Variants in SIGLEC12 observed in about 807,000 individuals in gnomAD.
SIGLEC12 encodes sialic acid binding Ig like lectin 12.
SIGLEC12 carries 43 observed loss-of-function variants against 54.1 expected under a neutral mutation model. That is an observed-to-expected ratio of 0.80 (90% confidence interval 0.62 to 1.03). The LOEUF is 1.03. Among genes scored for constraint, SIGLEC12 ranks in the 50% least tolerant of loss-of-function variants. The pLI is 0.00. For missense variants in SIGLEC12, 802 were observed against 735.2 expected (o/e 1.09, Z -1.05); for synonymous variants, 357 against 307.6 (o/e 1.16, Z -1.68).
intron 7 of SIGLEC12, 122 bp downstream of exon 7, chr19:51,496,758 T>G (rs1028474299): frequency 9.4e-7 from 1 of 1,058,916 alleles, no homozygotes; most frequent in Non-Finnish European, 1.4e-6. Flanking sequence ...GAGGAAAAAG[T>G]GGACAGGACG....
rs377633381 is a variant in SIGLEC12, at chr19:51,498,073, G to A, written c.1350C>T (p.Asn450=). ...GGGAAATGTGCTGGGAGCCTAGAGG[G>A]TTCTGAGCTCGGCAGGTGAATTCCC... ...DEGEFTCRAQ[N]PLGSQHISLS... The change falls in exon 5 of 8, where the codon AAC becomes AAT. Residue 450 remains asparagine (N), a synonymous_variant. Coordinates refer to ENST00000291707, the MANE Select transcript of SIGLEC12 (RefSeq NM_053003.4). 8.1e-6 allele frequency: 13 copies of A among 1,614,112 alleles called. No homozygotes were observed. Among genetic ancestry groups the A allele is most frequent in the African/African-American group, 8.0e-5 (6 of 74,948 alleles).
chr19:51,491,737 C>T lies in SIGLEC12; in HGVS notation c.1692G>A (p.Gln564=), dbSNP rs1990105950. 1 of 1,613,376 alleles carries T rather than the reference C, an allele frequency of 6.2e-7. No homozygotes were observed. Among genetic ancestry groups the T allele is most frequent in the Non-Finnish European group, 8.5e-7 (1 of 1,179,592 alleles). ...ATPSPEEGEI[Q]YASLSFHKAR... Reference sequence around the variant, plus strand: ...CTTTGTGGAAGCTGAGGGATGCATACTGGATCTCTCCTTCCTCTGGGGAGG... The same window carrying T: ...CTTTGTGGAAGCTGAGGGATGCATATTGGATCTCTCCTTCCTCTGGGGAGG... The change falls in exon 8 of 8, where the codon CAG becomes CAA. Residue 564 remains glutamine, a synonymous_variant. Coordinates refer to ENST00000291707, the MANE Select transcript of SIGLEC12 (RefSeq NM_053003.4).
chr19:51,500,175 G>GGCTA lies in SIGLEC12; in HGVS notation c.549_552dup (p.Pro185Ter), dbSNP rs775607557. On this transcript the variant is annotated stop_gained and frameshift_variant, in exon 2 of 8. Transcript: ENST00000291707. LOFTEE classifies it high-confidence loss of function. ...TCCTTGAACCAGGATCCATAAACAGGGCTAGAGGCAGTCCAGTTGTAATGG... is the reference window on the plus strand; with the variant it reads ...TCCTTGAACCAGGATCCATAAACAGGGCTAGCTAGAGGCAGTCCAGTTGTAATGG... 2 of 1,614,100 alleles carry GGCTA rather than the reference G, an allele frequency of 1.2e-6. No individual in the cohort carries two copies. Among genetic ancestry groups the GGCTA allele is most frequent in the Non-Finnish European group, 1.7e-6 (2 of 1,180,002 alleles).
intron 4 of SIGLEC12, among the ~76,000 whole-genome samples, chr19:51,498,908 A>G (rs1350424222): frequency 6.6e-6 from 1 of 152,224 alleles, no homozygotes; most frequent in Non-Finnish European, 1.5e-5. Context: ...GAGCTGGAAG[A>G]TAAGAGTCCT....
At chr19:51,496,850 G>T (rs1465189575) in intron 7 of SIGLEC12, 30 bp downstream of exon 7, 1 of 1,610,306 alleles carries the variant, frequency 6.2e-7, no homozygotes, top group African/African-American at 1.3e-5. Context: ...GAAAGCAGGG[G>T]AGAAGGGCTG....
intron 7 of SIGLEC12, among the ~76,000 whole-genome samples, chr19:51,495,236 GAT>G: frequency 2.1e-5 from 3 of 145,930 alleles, no homozygotes; most frequent in Non-Finnish European, 1.5e-5. Flanking sequence ...TGGATGGATG[GAT>G]GGATGGATGG....
rs571473727 is a variant in SIGLEC12 at position 51,500,023 on chromosome 19, G to T, written c.705C>A (p.Ile235=). 26 of 1,614,166 alleles carry T rather than the reference G, an allele frequency of 1.6e-5. No homozygotes were observed. The South Asian group carries it at 2.7e-4, about 17-fold the overall frequency. Residue 235 remains isoleucine (I), a synonymous_variant, in exon 2 of 8, where the codon ATC becomes ATA. Coordinates refer to ENST00000291707, the MANE Select transcript of SIGLEC12 (RefSeq NM_053003.4). ...CTGAATCCCCCTTCCTGGCATCTCT[G>T]ATGCTCAGGGAGCAGTTGTTGGTCT... The part of the protein sequence containing the change: ...DPQTNNCSLS[I]RDARKGDSGK...
chr19:51,494,007 C>T (rs947346148), intron 7 of SIGLEC12, among the ~76,000 whole-genome samples: 7 of 152,340 alleles, frequency 4.6e-5, no homozygotes, highest in African/African-American at 1.2e-4. Context: ...CCTTGCTTCC[C>T]TCTGTCTAAT....
chr19:51,501,207 A>G (rs1199853988), intron 1 of SIGLEC12, 100 bp downstream of exon 1: 1 of 1,305,914 alleles, frequency 7.7e-7, no homozygotes, highest in Non-Finnish European at 1.1e-6. Context: ...CCCTGAGTCC[A>G]TCACCCCCGG....
intron 7 of SIGLEC12, among the ~76,000 whole-genome samples, chr19:51,492,086 G>C (rs367607611): frequency 1.1e-4 from 16 of 152,134 alleles, no homozygotes; most frequent in Non-Finnish European, 1.6e-4. Flanking sequence ...TGAAAACTGA[G>C]GTAGAAATGG....
intron 5 of SIGLEC12, among the ~76,000 whole-genome samples, 174 bp downstream of exon 5, chr19:51,497,844 A>G (rs1203893009): frequency 2.0e-5 from 3 of 152,114 alleles, no homozygotes; most frequent in African/African-American, 7.2e-5. Context: ...ACACTTGTCC[A>G]GGCCCCAGCT....
chr19:51,499,978 C>T lies in SIGLEC12; in HGVS notation c.750G>A (p.Val250=), dbSNP rs948075758. 7 of 1,614,006 alleles carry T rather than the reference C, an allele frequency of 4.3e-6. No homozygotes were observed. Among genetic ancestry groups the T allele is most frequent in the Middle Eastern group, 1.6e-4 (1 of 6,084 alleles). The change falls in exon 2 of 8, where the codon GTG becomes GTA. Residue 250 remains valine, a synonymous_variant. Coordinates refer to ENST00000291707, the MANE Select transcript of SIGLEC12 (RefSeq NM_053003.4). ...AGTTCCATTTCCTGCTTCCTCTCTC[C>T]ACCTGGAAGTAGTACTTCCCTGAAT... ...KGDSGKYYFQ[V]ERGSRKWNYI...
At position 51,496,958 on chromosome 19, in the gene SIGLEC12, C is replaced by G. The variant is rs766772258; in HGVS notation, c.1521G>C (p.Lys507Asn). The G allele has an allele frequency of 1.9e-6, 3 of 1,613,414 alleles. No homozygotes were observed. The highest frequency in any genetic ancestry group is 2.5e-6 in the Non-Finnish European group (3 of 1,180,002). Residue 507 changes from lysine (K) to asparagine (N), a missense_variant, in exon 7 of 8, where the codon AAG becomes AAC. By Grantham distance (94) the Lys-to-Asn change is moderately conservative. Transcript: ENST00000291707. Reference sequence around the variant, plus strand: ...CGCCCACTGCTGGCCTTGCCGATTTCTTCCTGCAGGACCTCACTCTGAGTG... The same window carrying G: ...CGCCCACTGCTGGCCTTGCCGATTTGTTCCTGCAGGACCTCACTCTGAGTG... ...IIFVVVRSCR[K>N]KSARPAVGVG... is the part of the protein sequence containing the mutation.
In SIGLEC12 at chr19:51,495,302, C is replaced by T. The variant is rs371841877; in HGVS notation, c.1599+1578G>A. On this transcript the variant is annotated intron_variant, in intron 7 of 7. Coordinates refer to ENST00000291707, the MANE Select transcript of SIGLEC12 (RefSeq NM_053003.4). ...ATGGATGGATGGATGGATGGACGGA[C>T]GGACGGGTGGGTGGATGGATGGATG... 6.9e-3 allele frequency among the ~76,000 whole-genome samples: 279 copies of T among 40,294 alleles called. 10 individuals are homozygous for T. Among genetic ancestry groups the T allele is most frequent in the Middle Eastern group, 0.022 (1 of 46 alleles). 26.4% of individuals were successfully genotyped at this position (40,294 alleles called of 152,430 possible). A position where few individuals can be genotyped will look rare whatever the true frequency, so the allele number is the denominator to read the frequency against.
intron 7 of SIGLEC12, among the ~76,000 whole-genome samples, chr19:51,495,514 T>C (rs1157456853): frequency 6.6e-6 from 1 of 152,166 alleles, no homozygotes; most frequent in Non-Finnish European, 1.5e-5. Context: ...GATGGATGAA[T>C]GGTTGGATGA....
At chr19:51,497,933 G>T in intron 5 of SIGLEC12, 85 bp downstream of exon 5, 2 of 1,557,482 alleles carry the variant, frequency 1.3e-6, no homozygotes, top group Non-Finnish European at 1.7e-6. Flanking sequence ...TGATGCTGTG[G>T]GTTGCAGGGA....
At position 51,498,311 on chromosome 19, in the gene SIGLEC12, C is replaced by G. The variant is rs745770955; in HGVS notation, c.1136-24G>C. The G allele has an allele frequency of 3.8e-6, 6 of 1,570,522 alleles. No homozygotes were observed. In the South Asian group the frequency reaches 7.0e-5, roughly 18 times the overall value. On this transcript the variant is annotated intron_variant, in intron 4 of 7. Coordinates refer to ENST00000291707, the MANE Select transcript of SIGLEC12 (RefSeq NM_053003.4). The stretch of plus-strand genomic sequence containing the variant: ...TGCTGTAGAGAAAGAGACAGAAGGG[C>G]AGAGAGAGACAAAGTGATCGAGGCA...
intron 5 of SIGLEC12, among the ~76,000 whole-genome samples, chr19:51,497,744 T>G (rs1307493312): frequency 1.3e-5 from 2 of 152,250 alleles, no homozygotes; most frequent in Non-Finnish European, 2.9e-5. Flanking sequence ...TGTTTTATTT[T>G]TGGTTCTTAA....
rs1322966519 is a variant in SIGLEC12 at position 51,501,632 on chromosome 19, C to T, written c.102G>A (p.Val34=). 6.2e-7 allele frequency: 1 copy of T among 1,614,198 alleles called. No individual in the cohort carries two copies. The highest frequency in any genetic ancestry group is 8.5e-7 in the Non-Finnish European group (1 of 1,180,028). The part of the protein sequence containing the change: ...YLLTMQKSVT[V]QEGLCVSVLC... ...GCACAGAGACACACAGGCCCTCCTG[C>T]ACCGTCACGGACTTCTGCATTGTCA... The change falls in exon 1 of 8, where the codon GTG becomes GTA. Residue 34 remains valine, a synonymous_variant. Transcript: ENST00000291707.
Sources: allele counts gnomAD v4.1 joint callset (sites outside exome capture counted in the v4.1 genomes callset), GRCh38; gene constraint gnomAD v4.1.1; transcripts MANE v1.5; gene names NCBI Gene and HGNC (gene_info 2026-07-23, HGNC 2026-07-21).